Variants in GART observed in about 807,000 individuals in gnomAD.
GART encodes the protein trifunctional purine biosynthetic protein adenosine-3.
A neutral mutation model predicts 107.2 loss-of-function variants in GART; 43 were observed. The ratio of observed to expected loss-of-function variants is 0.40; its 90% confidence interval spans 0.31 to 0.52. GART has a LOEUF of 0.52. GART is among the 20% of genes least tolerant of loss of function. The pLI, the probability that GART is intolerant of heterozygous loss-of-function variation, is 0.52. For synonymous variants in GART, 434 were observed against 427.0 expected (o/e 1.02, Z -0.20); for missense variants, 1,107 against 1,206.5 (o/e 0.92, Z 1.22).
At chr21:33,529,189 G>A (rs1042393347) in intron 7 of GART, among the ~76,000 whole-genome samples, 1 of 152,054 alleles carries the variant, frequency 6.6e-6, no homozygotes, top group Non-Finnish European at 1.5e-5. Context: ...TTCCCGAAAC[G>A]TAATAGAAAT....
intron 1 of GART, among the ~76,000 whole-genome samples, chr21:33,539,650 G>A (rs1001064367): frequency 1.3e-5 from 2 of 151,264 alleles, no homozygotes; most frequent in African/African-American, 2.4e-5. Flanking sequence ...CCAGGATCAC[G>A]TCACTACACT....
chr21:33,511,545 T>C, intron 16 of GART, 87 bp from the exon 17 acceptor site: 1 of 1,330,564 alleles, frequency 7.5e-7, no homozygotes, highest in Non-Finnish European at 1.1e-6. Context: ...ATGTGGAAAT[T>C]ATAATCAGGC....
chr21:33,520,122 C>T (rs985582003), intron 14 of GART, among the ~76,000 whole-genome samples: 1 of 152,092 alleles, frequency 6.6e-6, no homozygotes, highest in Non-Finnish European at 1.5e-5. Flanking sequence ...AAAGATAAGG[C>T]CTGCCTGACA....
intron 16 of GART, 104 bp from the exon 17 acceptor site, chr21:33,511,562 AT>A: frequency 3.4e-6 from 4 of 1,186,386 alleles, no homozygotes; most frequent in Non-Finnish European, 4.9e-6. Context: ...AGGCTCTGCT[AT>A]TTTATGTAGG....
chr21:33,530,992 G>T (rs1342825917), intron 6 of GART, 108 bp from the exon 7 acceptor site: 160 of 791,422 alleles, frequency 2.0e-4, no homozygotes, highest in Middle Eastern at 1.3e-3. Context: ...GGAAAAGTTT[G>T]TTTTTTTTTT....
rs764380446 is a variant in GART, at chr21:33,508,515, C to CTTTT, written c.2452+1264_2452+1267dup. ...CCTGTTTTGTATCTATTGTTTCCATCTTTTTTTTTTTTTTTTTTTTTGAGA... is the reference window on the plus strand; with the variant it reads ...CCTGTTTTGTATCTATTGTTTCCATCTTTTTTTTTTTTTTTTTTTTTTTTTGAGA... On this transcript the variant is annotated intron_variant, in intron 18 of 21. Transcript: ENST00000381815. Among the ~76,000 whole-genome samples the CTTTT allele has an allele frequency of 6.6e-4, 73 of 109,826 alleles. 1 individual carries two copies. The highest frequency in any genetic ancestry group is 1.0e-3 in the Non-Finnish European group (56 of 53,464). 72.1% of individuals were successfully genotyped at this position (109,826 alleles called of 152,430 possible). A position where few individuals can be genotyped will look rare whatever the true frequency, so the allele number is the denominator to read the frequency against.
At chr21:33,516,191 T>C (rs1361890148) in intron 16 of GART, among the ~76,000 whole-genome samples, 1 of 142,254 alleles carries the variant, frequency 7.0e-6, no homozygotes, top group Non-Finnish European at 1.5e-5. Flanking sequence ...GAGTTTGCAG[T>C]GAGCTGAGAT....
chr21:33,510,112 A>G (rs2084758063), intron 17 of GART, 192 bp from the exon 18 acceptor site: 2 of 558,820 alleles, frequency 3.6e-6, no homozygotes, highest in Non-Finnish European at 6.3e-6. Flanking sequence ...AAAGGTGAAC[A>G]TATGTAATTA....
intron 1 of GART, among the ~76,000 whole-genome samples, chr21:33,541,536 A>G (rs191233053): frequency 2.8e-4 from 43 of 152,320 alleles, no homozygotes; most frequent in African/African-American, 9.1e-4. Context: ...ATCACTGAAA[A>G]TAGCCTTACT....
chr21:33,523,961 C>T (rs1247648776), intron 11 of GART: 5 of 878,730 alleles, frequency 5.7e-6, no homozygotes, highest in South Asian at 5.6e-5. Flanking sequence ...GAGCAAAATT[C>T]TGTCTCAAAA....
chr21:33,539,460 A>C (rs187331441), intron 1 of GART, 104 bp from the exon 2 acceptor site: 31 of 720,956 alleles, frequency 4.3e-5, no homozygotes, highest in African/African-American at 7.4e-5. Context: ...TGGGAGGCCG[A>C]GGCAGGTGGA....
At chr21:33,505,885 G>C (rs2084669445) in intron 19 of GART, 89 bp downstream of exon 19, 2 of 1,546,094 alleles carry the variant, frequency 1.3e-6, no homozygotes, top group Non-Finnish European at 1.8e-6. Context: ...GAAGTCCCAA[G>C]AACAAGTGCC....
At chr21:33,531,712 T>C (rs2085194540) in intron 5 of GART, 155 bp from the exon 6 acceptor site, 2 of 634,276 alleles carry the variant, frequency 3.2e-6, no homozygotes, top group Non-Finnish European at 2.7e-6. Flanking sequence ...AAAGGGAACA[T>C]ATAAATGTTT....
At chr21:33,506,435 C>T (rs2084683687) in intron 18 of GART, among the ~76,000 whole-genome samples, 1 of 152,112 alleles carries the variant, frequency 6.6e-6, no homozygotes, top group South Asian at 2.1e-4. Context: ...AGCCACCGCG[C>T]CCAACCTCAC....
intron 10 of GART, 67 bp downstream of exon 10, chr21:33,528,100 A>C: frequency 6.9e-7 from 1 of 1,449,326 alleles, no homozygotes; most frequent in Non-Finnish European, 9.6e-7. Flanking sequence ...TTAGTGTGAG[A>C]GGGGGGTCTG....
intron 16 of GART, 116 bp from the exon 17 acceptor site, chr21:33,511,574 G>A: frequency 2.8e-6 from 3 of 1,073,162 alleles, no homozygotes; most frequent in South Asian, 2.8e-5. Flanking sequence ...TTTATGTAGG[G>A]TAAAACTATA....
chr21:33,527,767 C>T (rs2085102453), intron 10 of GART, among the ~76,000 whole-genome samples: 1 of 152,146 alleles, frequency 6.6e-6, no homozygotes, highest in Admixed American at 6.5e-5. Context: ...GGTCAAACCA[C>T]ACAAAACTGT....
intron 6 of GART, chr21:33,531,115 GCTA>G (rs1414273093): frequency 2.5e-6 from 1 of 393,558 alleles, no homozygotes; most frequent in African/African-American, 2.1e-5. Flanking sequence ...AAAAAATCAA[GCTA>G]CTCTCAAAGT....
intron 16 of GART, among the ~76,000 whole-genome samples, chr21:33,514,622 C>A (rs934638342): frequency 2.0e-5 from 3 of 152,160 alleles, no homozygotes; most frequent in African/African-American, 2.4e-5. Context: ...CAGCAGGCCA[C>A]TGTTTTTTAA....
Sources: gnomAD v4.1 joint callset for allele counts (sites outside exome capture counted in the v4.1 genomes callset) on GRCh38, gnomAD v4.1.1 for gene constraint, MANE v1.5 for transcripts, NCBI Gene and HGNC (gene_info 2026-07-23, HGNC 2026-07-21) for gene names.